Variants in SLC39A11 observed in about 807,000 individuals in gnomAD.
SLC39A11 encodes the protein solute carrier family 39 member 11.
Under a neutral mutation model 36.1 loss-of-function variants are expected in SLC39A11, and 33 were observed. The ratio of observed to expected loss-of-function variants is 0.91; its 90% CI spans 0.69 to 1.22. SLC39A11 has a LOEUF of 1.22. SLC39A11 is among the 50% of genes most tolerant of loss of function. SLC39A11 has a pLI of 0.00. For missense variants in SLC39A11, 432 were observed against 430.3 expected, an observed-to-expected ratio of 1.00 and a Z score of -0.03; for synonymous variants, 166 against 170.3, an observed-to-expected ratio of 0.97 and a Z score of 0.20.
intron 6 of SLC39A11, among the ~76,000 whole-genome samples, chr17:72,772,959 G>A (rs2076003018): frequency 6.6e-6 from 1 of 152,120 alleles, no homozygotes; most frequent in Non-Finnish European, 1.5e-5. Context: ...GGTGGCGAGT[G>A]CCTGTAATCC....
At chr17:73,038,721 A>G (rs931054040) in intron 3 of SLC39A11, among the ~76,000 whole-genome samples, 1 of 136,174 alleles carries the variant, frequency 7.3e-6, no homozygotes, top group African/African-American at 2.7e-5. Context: ...GAAAAAGAGA[A>G]AGAGAGAGAG....
At chr17:72,871,982 A>C (rs1415446472) in intron 5 of SLC39A11, among the ~76,000 whole-genome samples, 4 of 152,218 alleles carry the variant, frequency 2.6e-5, no homozygotes, top group African/African-American at 7.2e-5. Flanking sequence ...TAGGACACTC[A>C]GCTGGTGTCC....
chr17:73,001,979 C>G (rs1045745127), intron 4 of SLC39A11, among the ~76,000 whole-genome samples: 2 of 152,118 alleles, frequency 1.3e-5, no homozygotes, highest in African/African-American at 4.8e-5. Flanking sequence ...GCCTAAAACC[C>G]TCTGCTTGTT....
intron 7 of SLC39A11, among the ~76,000 whole-genome samples, chr17:72,682,848 T>A (rs2071566466): frequency 6.6e-6 from 1 of 152,244 alleles, no homozygotes; most frequent in African/African-American, 2.4e-5. Context: ...TATGAGTCAA[T>A]CTTTAGGACA....
chr17:72,689,001 C>G (rs894758986), intron 7 of SLC39A11, among the ~76,000 whole-genome samples: 1 of 152,178 alleles, frequency 6.6e-6, no homozygotes, highest in African/African-American at 2.4e-5. Context: ...TGTTTCCCCC[C>G]ACACTGCCCA....
At chr17:72,878,357 G>A (rs1378010037) in intron 5 of SLC39A11, among the ~76,000 whole-genome samples, 3 of 152,138 alleles carry the variant, frequency 2.0e-5, no homozygotes, top group African/African-American at 7.2e-5. Flanking sequence ...GAAAAAGACA[G>A]CCCATTAGGG....
At chr17:72,920,699 A>AC (rs200658519) in intron 5 of SLC39A11, among the ~76,000 whole-genome samples, 3 of 122,862 alleles carry the variant, frequency 2.4e-5, no homozygotes, top group African/African-American at 3.2e-5. Flanking sequence ...TACAACACCT[A>AC]CACCCCATAC....
chr17:73,053,117 C>T (rs973626884), intron 3 of SLC39A11, among the ~76,000 whole-genome samples: 1 of 152,162 alleles, frequency 6.6e-6, no homozygotes, highest in East Asian at 1.9e-4. Flanking sequence ...TCCAGTGAGA[C>T]GGAGGCTACA....
intron 6 of SLC39A11, among the ~76,000 whole-genome samples, chr17:72,759,723 A>G (rs761186833): frequency 2.7e-4 from 41 of 152,350 alleles, no homozygotes; most frequent in Non-Finnish European, 4.7e-4. Context: ...CAAAGGTAAT[A>G]TACTTGATAT....
chr17:72,765,446 C>T (rs1469438629), intron 6 of SLC39A11, among the ~76,000 whole-genome samples: 1 of 152,204 alleles, frequency 6.6e-6, no homozygotes, highest in Non-Finnish European at 1.5e-5. Context: ...AAACTTTAGC[C>T]TCCCATTCCA....
At chr17:72,692,772 T>C (rs2072095558) in intron 7 of SLC39A11, among the ~76,000 whole-genome samples, 1 of 152,124 alleles carries the variant, frequency 6.6e-6, no homozygotes, top group Non-Finnish European at 1.5e-5. Flanking sequence ...TTCACATCAA[T>C]GTCCATGAGA....
At chr17:73,073,309 C>T (rs1416600191) in intron 3 of SLC39A11, among the ~76,000 whole-genome samples, 1 of 152,256 alleles carries the variant, frequency 6.6e-6, no homozygotes, top group Non-Finnish European at 1.5e-5. Context: ...CGTCAGAAGG[C>T]AGTGGGTGCC....
intron 5 of SLC39A11, among the ~76,000 whole-genome samples, chr17:72,871,056 G>GTTTTTTTTT (rs34776144): frequency 8.0e-6 from 1 of 124,316 alleles, no homozygotes; most frequent in Non-Finnish European, 1.7e-5. Flanking sequence ...TTTTGTTTTT[G>GTTTTTTTTT]TTTTTTTTTT....
chr17:72,705,531 G>C (rs2072854218), intron 7 of SLC39A11, among the ~76,000 whole-genome samples: 1 of 152,208 alleles, frequency 6.6e-6, no homozygotes, highest in Non-Finnish European at 1.5e-5. Flanking sequence ...TGACAGGCTG[G>C]ATTAAGGGTG....
intron 6 of SLC39A11, among the ~76,000 whole-genome samples, chr17:72,787,357 A>C (rs2076554731): frequency 7.2e-6 from 1 of 137,986 alleles, no homozygotes; most frequent in African/African-American, 2.7e-5. Flanking sequence ...TCCCGGGTTC[A>C]CGCCATTCTC....
chr17:72,664,771 C>T (rs1018161677), intron 7 of SLC39A11, among the ~76,000 whole-genome samples: 3 of 152,170 alleles, frequency 2.0e-5, no homozygotes, highest in Admixed American at 6.5e-5. Context: ...TCATGCCCTC[C>T]GTTCTCTTCT....
intron 7 of SLC39A11, among the ~76,000 whole-genome samples, chr17:72,649,784 G>A (rs904700952): frequency 4.0e-5 from 6 of 151,898 alleles, no homozygotes; most frequent in African/African-American, 1.2e-4. Context: ...GTAGAGATGG[G>A]GTTTTACCAT....
At chr17:72,717,314 T>C (rs1461376501) in intron 7 of SLC39A11, among the ~76,000 whole-genome samples, 1 of 152,066 alleles carries the variant, frequency 6.6e-6, no homozygotes, top group African/African-American at 2.4e-5. Context: ...CCCGATGCCC[T>C]GGTTTCTTAA....
rs552384740 is a variant in SLC39A11, at chr17:72,992,527, T to C, written c.306+39029A>G. ...ACTGTGCACGGTTTGCCCCTTTTCA[T>C]TGATTTGTGGAAGACCTTTATATAT... On this transcript the variant is annotated intron_variant, in intron 4 of 9. Transcript: ENST00000255559. Among the ~76,000 whole-genome samples, 38 of 152,366 alleles carry C rather than the reference T, an allele frequency of 2.5e-4. No homozygotes were observed. The South Asian group carries it at 7.7e-3, about 31-fold the overall frequency.
Sources: gnomAD v4.1 joint callset for allele counts (sites outside exome capture counted in the v4.1 genomes callset) on GRCh38, gnomAD v4.1.1 for gene constraint, MANE v1.5 for transcripts, NCBI Gene and HGNC (gene_info 2026-07-23, HGNC 2026-07-21) for gene names.